Variants in ADH1C observed in about 807,000 individuals in gnomAD.
ADH1C encodes the protein alcohol dehydrogenase 1C (class I), gamma polypeptide, also known as alcohol dehydrogenase 1C.
In ADH1C, 26 loss-of-function variants were observed where a neutral mutation model predicts 35.0. The ratio of observed to expected loss-of-function variants is 0.74; its 90% CI spans 0.54 to 1.03. The LOEUF (loss-of-function observed/expected upper bound fraction) is 1.03, where lower values mean the gene tolerates loss of function less well. Ranked by LOEUF, ADH1C falls within the 50% of genes least tolerant of loss-of-function variation. The pLI, the probability that ADH1C is intolerant of heterozygous loss-of-function variation, is 0.00. For synonymous variants in ADH1C, 170 were observed against 169.3 expected (o/e 1.00, Z -0.03); for missense variants, 413 against 465.4 (o/e 0.89, Z 1.04).
intron 1 of ADH1C, 58 bp from the exon 2 acceptor site, chr4:99,347,904 T>C: frequency 6.3e-7 from 1 of 1,596,452 alleles, no homozygotes. Flanking sequence ...AGTCAGAAAT[T>C]GTGTCTTTTC....
At chr4:99,349,651 C>G (rs985951110) in intron 1 of ADH1C, among the ~76,000 whole-genome samples, 2 of 133,846 alleles carry the variant, frequency 1.5e-5, no homozygotes, top group South Asian at 4.6e-4. Context: ...TTAATTTTCT[C>G]TCTCCACTTC....
chr4:99,340,451 C>G, intron 7 of ADH1C, 124 bp downstream of exon 7: 6 of 1,178,562 alleles, frequency 5.1e-6, no homozygotes, highest in Non-Finnish European at 4.9e-6. Flanking sequence ...TTATTGGAGA[C>G]TATAGAAAAG....
At chr4:99,338,627 T>A (rs1267634634) in intron 8 of ADH1C, among the ~76,000 whole-genome samples, 2 of 149,486 alleles carry the variant, frequency 1.3e-5, no homozygotes. Context: ...TGAGCGTTGT[T>A]TGGGAATCAC....
intron 1 of ADH1C, among the ~76,000 whole-genome samples, chr4:99,350,082 A>C (rs903637059): frequency 6.6e-6 from 1 of 152,140 alleles, no homozygotes; most frequent in Non-Finnish European, 1.5e-5. Context: ...ATTAATTTTC[A>C]TTATTCATTT....
chr4:99,347,722 T>C (rs758995171), intron 2 of ADH1C, 23 bp downstream of exon 2: 1 of 1,580,550 alleles, frequency 6.3e-7, no homozygotes, highest in Non-Finnish European at 8.6e-7. Flanking sequence ...TAAAATTAAA[T>C]ACAAATGGAA....
At position 99,338,393 on chromosome 4, in the gene ADH1C, T is replaced by TTATATATATATA. The variant is rs1334509876; in HGVS notation, c.1103+1183_1103+1184insTATATATATATA. On this transcript the variant is annotated intron_variant, in intron 8 of 8. Transcript: ENST00000515683. ...TAATTAACCTTTGATGAATACTGTTTTCTATATATATATATATATATATAT... is the reference window on the plus strand; with the variant it reads ...TAATTAACCTTTGATGAATACTGTTTTATATATATATATCTATATATATATATATATATATAT... Among the ~76,000 whole-genome samples the TTATATATATATA allele has an allele frequency of 1.8e-3, 129 of 73,078 alleles. 26 individuals are homozygous for TTATATATATATA. Among genetic ancestry groups the TTATATATATATA allele is most frequent in the South Asian group, 2.7e-3 (4 of 1,480 alleles). The allele number at this position is 73,078 out of a possible 152,430, so 47.9% of individuals were successfully genotyped here.
rs772973805 is a variant in ADH1C, at chr4:99,347,112, C to T, written c.153G>A (p.Glu51=). ...TCACCAGGTTGCCACTAACCACATG[C>T]TCATCTGAACGACAGATTCCTGCAG... The part of the protein sequence containing the change: ...MVAAGICRSD[E]HVVSGNLVTP... Residue 51 remains glutamate (E), a synonymous_variant, in exon 3 of 9, where the codon GAG becomes GAA. Transcript: ENST00000515683. 1 of 1,613,982 alleles carries T rather than the reference C, an allele frequency of 6.2e-7. No homozygotes were observed. Among genetic ancestry groups the T allele is most frequent in the South Asian group, 1.1e-5 (1 of 91,038 alleles).
At chr4:99,345,571 G>A (rs1267901170) in intron 3 of ADH1C, among the ~76,000 whole-genome samples, 2 of 152,236 alleles carry the variant, frequency 1.3e-5, no homozygotes, top group Non-Finnish European at 2.9e-5. Context: ...AGGCTTTGCA[G>A]ATATAATTTA....
Position 99,340,585 on chromosome 4 carries a change from AGC to A in ADH1C, c.952_953del (p.Ala318TyrfsTer6). On this transcript the variant is annotated frameshift_variant, in exon 7 of 9. Coordinates refer to ENST00000515683, the MANE Select transcript of ADH1C (RefSeq NM_000669.5). LOFTEE classifies it high-confidence loss of function. ...AGCCTAACTACATACCTCCAAAAAT[AGC>A]TCCTTTCCACGTGCGTCCAGTCAGT... is the stretch of plus-strand genomic sequence containing the variant. ...LLLTGRTWKG[A>X]IFGGFKSKES... is the part of the protein sequence containing the mutation. 2.5e-6 allele frequency: 4 copies of A among 1,614,178 alleles called. No homozygotes were observed. In the South Asian group the frequency reaches 4.4e-5, roughly 18 times the overall value.
intron 6 of ADH1C, among the ~76,000 whole-genome samples, chr4:99,341,796 T>C (rs977163921): frequency 5.3e-5 from 8 of 152,168 alleles, no homozygotes; most frequent in Non-Finnish European, 1.2e-4. Flanking sequence ...AGTAATATCA[T>C]GTAATAATTC....
chr4:99,351,562 A>G (rs1157825073), intron 1 of ADH1C, among the ~76,000 whole-genome samples: 1 of 152,202 alleles, frequency 6.6e-6, no homozygotes, highest in Non-Finnish European at 1.5e-5. Context: ...TCTTTTTTCT[A>G]ATTATTTTCT....
chr4:99,347,925 A>C (rs1176912106), intron 1 of ADH1C, 79 bp from the exon 2 acceptor site: 1 of 1,521,810 alleles, frequency 6.6e-7, no homozygotes, highest in African/African-American at 1.4e-5. Context: ...ATCTTTGTAC[A>C]TGCAACATTG....
intron 3 of ADH1C, 114 bp downstream of exon 3, chr4:99,346,892 T>A: frequency 6.7e-7 from 1 of 1,502,506 alleles, no homozygotes; most frequent in South Asian, 1.4e-5. Flanking sequence ...AGTCCCAGCT[T>A]CCCTGTGACC....
In ADH1C at chr4:99,343,119, T is replaced by A. The variant is rs533562839; in HGVS notation, c.568-64A>T. On this transcript the variant is annotated intron_variant, in intron 5 of 8. Coordinates refer to ENST00000515683, the MANE Select transcript of ADH1C (RefSeq NM_000669.5). ...TTTGTTAGAAATTGCTTAAGCTTTA[T>A]AAAGTGCCATGTCTTGTGTGTTATC... 5.0e-5 allele frequency: 79 copies of A among 1,577,056 alleles called. 1 individual carries two copies. In the South Asian group the frequency reaches 8.6e-4, roughly 17 times the overall value.
At chr4:99,339,464 C>G in intron 8 of ADH1C, 113 bp downstream of exon 8, 1 of 1,008,994 alleles carries the variant, frequency 9.9e-7, no homozygotes, top group Non-Finnish European at 1.4e-6. Flanking sequence ...AACCAAGGCA[C>G]TGTAATTTTT....
At position 99,336,665 on chromosome 4, in the gene ADH1C, A is replaced by G; in HGVS notation, c.*87T>C. ...TATTTTTAACATCTCTGAAGAGCAG[A>G]ATTAATGATATTTCCTAGCTGTTGC... On this transcript the variant is annotated 3_prime_UTR_variant, in exon 9 of 9. Transcript: ENST00000515683. 1 of 1,493,824 alleles carries G rather than the reference A, an allele frequency of 6.7e-7. No individual in the cohort carries two copies. Among genetic ancestry groups the G allele is most frequent in the Non-Finnish European group, 9.3e-7 (1 of 1,072,426 alleles). The allele number at this position is 1,493,824 out of a possible 1,614,324, so 92.5% of individuals were successfully genotyped here.
intron 8 of ADH1C, 66 bp downstream of exon 8, chr4:99,339,511 C>CGGG: frequency 9.8e-6 from 5 of 511,654 alleles, no homozygotes; most frequent in Non-Finnish European, 1.3e-5. Flanking sequence ...TGCTAGACAA[C>CGGG]GCCCCCCCCC....
intron 6 of ADH1C, among the ~76,000 whole-genome samples, chr4:99,341,375 A>C (rs1734412012): frequency 2.0e-5 from 3 of 152,176 alleles, no homozygotes; most frequent in Admixed American, 2.0e-4. Flanking sequence ...TAGGTATATA[A>C]TGATTAGTTC....
chr4:99,345,861 C>T (rs528290596), intron 3 of ADH1C, among the ~76,000 whole-genome samples: 3 of 152,192 alleles, frequency 2.0e-5, no homozygotes, highest in South Asian at 4.1e-4. Flanking sequence ...TACAGAAATT[C>T]GTCTGAAAAT....
Sources: allele counts gnomAD v4.1 joint callset (sites outside exome capture counted in the v4.1 genomes callset), GRCh38; gene constraint gnomAD v4.1.1; transcripts MANE v1.5; gene names NCBI Gene and HGNC (gene_info 2026-07-23, HGNC 2026-07-21).